CCDC51: variants seen among roughly 807,000 people sequenced by gnomAD.
CCDC51 encodes coiled-coil domain containing 51, also known as mitochondrial potassium channel.
CCDC51 carries 25 observed loss-of-function variants against 24.8 expected under a neutral mutation model. The observed-to-expected ratio is 1.01, with a 90% CI of 0.73 to 1.41. The LOEUF (loss-of-function observed/expected upper bound fraction) is 1.41, where lower values mean the gene tolerates loss of function less well. Ranked by LOEUF, CCDC51 falls within the 40% of genes most tolerant of loss-of-function variation. The probability of loss-of-function intolerance (pLI) is 0.00; values close to 1 mark genes in which losing one functional copy is unlikely to be tolerated. For missense variants in CCDC51, 466 were observed against 519.1 expected, an observed-to-expected ratio of 0.90 and a Z score of 0.99; for synonymous variants, 190 against 204.3, an observed-to-expected ratio of 0.93 and a Z score of 0.60.
At chr3:48,436,274 GA>G (rs2039348799) in intron 1 of CCDC51, among the ~76,000 whole-genome samples, 1 of 152,196 alleles carries the variant, frequency 6.6e-6, no homozygotes, top group Non-Finnish European at 1.5e-5. Context: ...TCCAGATACA[GA>G]ATAGAAAGGG....
chr3:48,441,490 T>TA (rs1560096761), upstream of CCDC51, among the ~76,000 whole-genome samples: 4 of 151,806 alleles, frequency 2.6e-5, no homozygotes, highest in Non-Finnish European at 5.9e-5. Flanking sequence ...GCCAACTTTT[T>TA]TTTTTTTTTC....
upstream of CCDC51, among the ~76,000 whole-genome samples, chr3:48,441,345 G>GTT (rs1222910489): frequency 1.8e-4 from 27 of 150,498 alleles, no homozygotes; most frequent in African/African-American, 6.6e-4. Context: ...CACCTGGCCA[G>GTT]TTTTTTTTTG....
chr3:48,432,862 T>A lies in CCDC51; in HGVS notation c.782A>T (p.Asp261Val), dbSNP rs781193784. The A allele has an allele frequency of 1.2e-6, 2 of 1,613,448 alleles. No homozygotes were observed. Among genetic ancestry groups the A allele is most frequent in the South Asian group, 2.2e-5 (2 of 91,018 alleles). ...QASSYSRQQR[D>V]LHNLMVDLRG... The stretch of plus-strand genomic sequence containing the variant: ...CAGGTCCACCATGAGATTGTGGAGG[T>A]CCCTCTGCTGGCGGGAGTAGCTAGA... The change falls in exon 4 of 4, where the codon GAC becomes GTC. Residue 261 changes from aspartate (D) to valine (V), a missense_variant. Coordinates refer to ENST00000395694, the MANE Select transcript of CCDC51 (RefSeq NM_001256964.2).
chr3:48,439,805 C>A (rs563312650), intron 1 of CCDC51, among the ~76,000 whole-genome samples, 183 bp downstream of exon 1: 1 of 152,326 alleles, frequency 6.6e-6, no homozygotes, highest in South Asian at 2.1e-4. Flanking sequence ...AACTGCTGCA[C>A]CCCTGACTAT....
chr3:48,440,496 C>A, upstream of CCDC51: 2 of 1,598,042 alleles, frequency 1.3e-6, no homozygotes, highest in Non-Finnish European at 1.7e-6. Flanking sequence ...GGTGCGGGGG[C>A]GCTGGGAGAC....
In CCDC51 at chr3:48,435,115, C is replaced by A; in HGVS notation, c.14G>T (p.Ser5Ile). The part of the protein sequence containing the change: MMGR[S>I]PGFAMQHIVG... Reference sequence around the variant, plus strand: ...GATGTGCTGCATGGCAAACCCAGGGCTGCGCCCCATCATCCTGAGATCTGT... The same window carrying A: ...GATGTGCTGCATGGCAAACCCAGGGATGCGCCCCATCATCCTGAGATCTGT... Residue 5 changes from serine (S) to isoleucine (I), a missense_variant, in exon 2 of 4, where the codon AGC becomes ATC. Ser to Ile is a moderately radical substitution (Grantham distance 142). Coordinates refer to ENST00000395694, the MANE Select transcript of CCDC51 (RefSeq NM_001256964.2). This position sits in a 1 kb window ranked among gnomAD's most constrained non-coding sequence, Gnocchi z 4.2. The A allele has an allele frequency of 6.3e-7, 1 of 1,583,182 alleles. No homozygotes were observed.
Position 48,437,032 on chromosome 3 carries a change from C to A in CCDC51, c.-8-1896G>T, listed in dbSNP as rs942729970. Among the ~76,000 whole-genome samples, 5 of 152,196 alleles carry A rather than the reference C, an allele frequency of 3.3e-5. No homozygotes were observed. The highest frequency in any genetic ancestry group is 1.2e-4 in the African/African-American group (5 of 41,434). The stretch of plus-strand genomic sequence containing the variant: ...AGCCCTCATCCTCTTCCTTCTACTG[C>A]CATACTCTGCTCCAGCCACCGTGCT... On this transcript the variant is annotated intron_variant, in intron 1 of 3. Transcript: ENST00000395694. This position sits in a 1 kb window ranked among gnomAD's most constrained non-coding sequence, Gnocchi z 4.2.
chr3:48,440,718 T>C (rs2039540644), upstream of CCDC51: 4 of 1,187,072 alleles, frequency 3.4e-6, no homozygotes, highest in Admixed American at 4.4e-5. Context: ...TCCTGCCTCC[T>C]GAACTGCGAG....
In CCDC51 at chr3:48,432,489, G is replaced by T. The variant is rs1339291940; in HGVS notation, c.1155C>A (p.Asn385Lys). The T allele has an allele frequency of 6.2e-6, 10 of 1,614,120 alleles. No individual in the cohort carries two copies. The highest frequency in any genetic ancestry group is 8.5e-6 in the Non-Finnish European group (10 of 1,180,056). The stretch of plus-strand genomic sequence containing the variant: ...AGGTGACCAGGGTGCTATAGATGGT[G>T]TTCCTGTTGACTTGGGCTTCTAGTC... ...EQRLEAQVNR[N>K]TIYSTLVTCV... is the part of the protein sequence containing the mutation. Residue 385 changes from asparagine (N) to lysine (K), a missense_variant, in exon 4 of 4, where the codon AAC (asparagine) becomes AAA (lysine). Transcript: ENST00000395694.
chr3:48,442,070 A>AAAAT (rs2039582330), upstream of CCDC51, among the ~76,000 whole-genome samples: 2 of 152,152 alleles, frequency 1.3e-5, no homozygotes, highest in Non-Finnish European at 2.9e-5. Flanking sequence ...GAAAAAATTT[A>AAAAT]AAATTAGCTG....
In CCDC51 at chr3:48,436,050, C is replaced by T. The variant is rs375371247; in HGVS notation, c.-8-914G>A. ...TCCAGAATCAGGCCTCACCTGAGCCCAAGAGTGCCAGTGACTCTGAGGACC... is the reference window on the plus strand; with the variant it reads ...TCCAGAATCAGGCCTCACCTGAGCCTAAGAGTGCCAGTGACTCTGAGGACC... On this transcript the variant is annotated intron_variant, in intron 1 of 3. Coordinates refer to ENST00000395694, the MANE Select transcript of CCDC51 (RefSeq NM_001256964.2). 2.6e-5 allele frequency among the ~76,000 whole-genome samples: 4 copies of T among 152,284 alleles called. No individual in the cohort carries two copies. The East Asian group carries it at 7.7e-4, about 29-fold the overall frequency.
In CCDC51 at chr3:48,433,811, C is replaced by A. The variant is rs1400770456; in HGVS notation, c.373G>T (p.Val125Phe). The A allele has an allele frequency of 1.9e-6, 3 of 1,614,006 alleles. No homozygotes were observed. The highest frequency in any genetic ancestry group is 2.5e-6 in the Non-Finnish European group (3 of 1,180,036). ...ACCTCCTTCAGCTTGGCCTGGTGAA[C>A]TTCCAAGTCCTCCCGAGCCTCTCGG... ...LVREAREDLEVHQAKLKEVRD... is the reference protein window; with the variant it reads ...LVREAREDLEFHQAKLKEVRD... The change falls in exon 3 of 4, where the codon GTT (valine) becomes TTT (phenylalanine). Residue 125 changes from valine (V) to phenylalanine (F), a missense_variant. Val to Phe is a conservative substitution (Grantham distance 50). Coordinates refer to ENST00000395694, the MANE Select transcript of CCDC51 (RefSeq NM_001256964.2). This position sits in a 1 kb window ranked among gnomAD's most constrained non-coding sequence, Gnocchi z 4.4.
upstream of CCDC51, chr3:48,440,649 G>A: frequency 1.2e-6 from 2 of 1,604,176 alleles, no homozygotes; most frequent in Non-Finnish European, 1.7e-6. Flanking sequence ...GCCGAATGGA[G>A]CTCAAGCTGG....
rs2039404669 is a variant in CCDC51, at chr3:48,437,856, C to T, written c.-9+2132G>A. 1.3e-5 allele frequency: 2 copies of T among 152,084 alleles called. No individual in the cohort carries two copies. The highest frequency in any genetic ancestry group is 4.1e-4 in the South Asian group (2 of 4,824). 9.4% of individuals were successfully genotyped at this position (152,084 alleles called of 1,614,324 possible). ...TCCTCAGGATAAAAAACCCATGCTTCTAGGGAAAACCAACCTGTGCCCCAG... is the reference window on the plus strand; with the variant it reads ...TCCTCAGGATAAAAAACCCATGCTTTTAGGGAAAACCAACCTGTGCCCCAG... On this transcript the variant is annotated intron_variant, in intron 1 of 3. Transcript: ENST00000395694. This position sits in a 1 kb window ranked among gnomAD's most constrained non-coding sequence, Gnocchi z 4.2.
At chr3:48,445,387 G>A (rs1047387211), upstream of CCDC51, among the ~76,000 whole-genome samples, 1 of 152,202 alleles carries the variant, frequency 6.6e-6, no homozygotes, top group African/African-American at 2.4e-5. Context: ...GGGGCAGGGG[G>A]AAGCCTGTGT....
rs2039238179 is a variant in CCDC51 at position 48,433,103 on chromosome 3, G to A, written c.541C>T (p.Leu181Phe). The change falls in exon 4 of 4, where the codon CTC becomes TTC. Residue 181 changes from leucine to phenylalanine, a missense_variant. Coordinates refer to ENST00000395694, the MANE Select transcript of CCDC51 (RefSeq NM_001256964.2). The surrounding 1 kb of genome is among the most constrained non-coding windows in gnomAD (Gnocchi z 4.4). ...AEDSEREKFS[L>F]FSAAVRESHE... ...CTTTCCCGCACAGCTGCAGAGAAGA[G>A]GGAGAACTTCTCTCGCTCAGAGTCT... 3 of 1,613,942 alleles carry A rather than the reference G, an allele frequency of 1.9e-6. No individual in the cohort carries two copies. The highest frequency in any genetic ancestry group is 2.5e-6 in the Non-Finnish European group (3 of 1,179,930).
At chr3:48,444,911 ACT>A (rs1271876492), upstream of CCDC51, 3 of 152,178 alleles carry the variant, frequency 2.0e-5, no homozygotes, top group East Asian at 1.9e-4. Flanking sequence ...ATGGGGGCTC[ACT>A]CTACCTCCTG....
chr3:48,440,664 A>G (rs1222858987), upstream of CCDC51: 4 of 1,583,344 alleles, frequency 2.5e-6, no homozygotes, highest in Admixed American at 6.9e-5. Flanking sequence ...AGCTGGCCAA[A>G]CGCTATGAGC....
upstream of CCDC51, chr3:48,440,877 A>G: frequency 1.7e-6 from 1 of 575,642 alleles, no homozygotes; most frequent in Non-Finnish European, 3.1e-6. Flanking sequence ...AGAAACGGAA[A>G]CAGTGAAATG....
Sources: allele counts gnomAD v4.1 joint callset (sites outside exome capture counted in the v4.1 genomes callset), GRCh38; gene constraint gnomAD v4.1.1; non-coding constraint Gnocchi (gnomAD v3.1); transcripts MANE v1.5; gene names NCBI Gene and HGNC (gene_info 2026-07-23, HGNC 2026-07-21).